Variants in GAPDHS observed in about 807,000 individuals in gnomAD.
GAPDHS encodes glyceraldehyde-3-phosphate dehydrogenase, testis-specific.
A neutral mutation model predicts 48.7 loss-of-function variants in GAPDHS; 42 were observed. The observed-to-expected ratio is 0.86, with a 90% confidence interval of 0.67 to 1.12. The LOEUF is 1.12. Ranked by LOEUF, GAPDHS falls within the 50% of genes most tolerant of loss-of-function variation. The pLI, the probability that GAPDHS is intolerant of heterozygous loss-of-function variation, is 0.00. For synonymous variants in GAPDHS, 166 were observed against 219.1 expected (o/e 0.76, Z 2.14); for missense variants, 512 against 557.7 (o/e 0.92, Z 0.82).
In GAPDHS at chr19:35,538,671, C is replaced by A; in HGVS notation, c.437C>A (p.Ser146Tyr). The change falls in exon 4 of 11, where the codon TCT becomes TAT. Residue 146 changes from serine to tyrosine, a missense_variant. Ser to Tyr is a moderately radical substitution (Grantham distance 144). Transcript: ENST00000222286. ...CTGGTCGTGGACAACCATGAGATCTCTGTCTACCAGTGGTAAGGAAAGCAT... is the reference window on the plus strand; with the variant it reads ...CTGGTCGTGGACAACCATGAGATCTATGTCTACCAGTGGTAAGGAAAGCAT... Reference protein sequence around the residue: ...GQLVVDNHEISVYQCKEPKQI... With the variant: ...GQLVVDNHEIYVYQCKEPKQI... 6.3e-7 allele frequency: 1 copy of A among 1,582,334 alleles called. No individual in the cohort carries two copies. Among genetic ancestry groups the A allele is most frequent in the Non-Finnish European group, 8.7e-7 (1 of 1,150,908 alleles).
In GAPDHS at chr19:35,536,820, A is replaced by C; in HGVS notation, c.75A>C (p.Arg25Ser). ...QLLRQPCPVT[R>S]APPPPEPKAE... is the part of the protein sequence containing the mutation. ...CTCCCTTCCCCCGCATAGTGACCAG[A>C]GCACCGCCCCCACCTGAGCCTAAGG... Residue 25 changes from arginine to serine, a missense_variant, in exon 2 of 11, where the codon AGA becomes AGC. Transcript: ENST00000222286. 6.2e-7 allele frequency: 1 copy of C among 1,608,538 alleles called. No homozygotes were observed. Among genetic ancestry groups the C allele is most frequent in the Non-Finnish European group, 8.5e-7 (1 of 1,175,902 alleles).
intron 1 of GAPDHS, among the ~76,000 whole-genome samples, chr19:35,534,032 C>G (rs1292384479): frequency 6.6e-6 from 1 of 152,230 alleles, no homozygotes; most frequent in Non-Finnish European, 1.5e-5. Flanking sequence ...GGAACCTTGC[C>G]GGGGACGTGC....
At position 35,542,414 on chromosome 19, in the gene GAPDHS, G is replaced by A; in HGVS notation, c.540+5G>A. ...CTCTCCATACAGGCAGCTTCGGTAA[G>A]CTGGGGAGAGGTGCCCAGGGCTAGC... is the stretch of plus-strand genomic sequence containing the variant. On this transcript the variant is annotated splice_donor_5th_base_variant and intron_variant, in intron 5 of 10. Transcript: ENST00000222286. 1 of 1,610,684 alleles carries A rather than the reference G, an allele frequency of 6.2e-7. No individual in the cohort carries two copies. The highest frequency in any genetic ancestry group is 8.5e-7 in the Non-Finnish European group (1 of 1,177,026).
intron 1 of GAPDHS, among the ~76,000 whole-genome samples, chr19:35,535,123 C>A (rs2071456980): frequency 6.6e-6 from 1 of 152,202 alleles, no homozygotes; most frequent in Admixed American, 6.5e-5. Flanking sequence ...TCTGTGTGGA[C>A]TGAGCCAGGC....
At chr19:35,536,666 T>C (rs554290874) in intron 1 of GAPDHS, 147 bp from the exon 2 acceptor site, 243 of 615,262 alleles carry the variant, frequency 3.9e-4, no homozygotes, top group African/African-American at 3.9e-3. Flanking sequence ...AAGTTCATTC[T>C]GTAGAGAAAG....
Position 35,543,043 on chromosome 19 carries a change from G to A in GAPDHS, c.741+17G>A, listed in dbSNP as rs200714495. On this transcript the variant is annotated intron_variant, in intron 7 of 10. Transcript: ENST00000222286. ...GGGTTGATGGTGAGTTGAGGATGAG[G>A]GGCTGGGGCAGGAAGGATGGCAGGG... The A allele has an allele frequency of 6.6e-4, 1,046 of 1,587,136 alleles. 2 individuals are homozygous for A. The highest frequency in any genetic ancestry group is 8.5e-4 in the Non-Finnish European group (984 of 1,155,494).
intron 4 of GAPDHS, 148 bp from the exon 5 acceptor site, chr19:35,542,171 T>C (rs1489680569): frequency 3.2e-6 from 2 of 631,310 alleles, no homozygotes; most frequent in African/African-American, 1.8e-5. Context: ...GTGGAGCCCA[T>C]CTGGAACAAG....
chr19:35,537,038 CCCT>C, intron 2 of GAPDHS, 48 bp downstream of exon 2: 1 of 1,457,726 alleles, frequency 6.9e-7, no homozygotes, highest in Non-Finnish European at 9.4e-7. Flanking sequence ...AGAGCCCAGC[CCCT>C]CCTCTGGCTG....
intron 9 of GAPDHS, 78 bp from the exon 10 acceptor site, chr19:35,544,831 G>T: frequency 1.2e-6 from 1 of 825,612 alleles, no homozygotes; most frequent in South Asian, 1.3e-5. Flanking sequence ...ATGGGCGATA[G>T]AGTTAAGAGT....
chr19:35,538,742 G>A (rs904052779), intron 4 of GAPDHS, 59 bp downstream of exon 4: 3 of 1,125,674 alleles, frequency 2.7e-6, no homozygotes, highest in Non-Finnish European at 4.1e-6. Context: ...GCATGTGGAG[G>A]TGGCTAAAAT....
intron 8 of GAPDHS, 39 bp downstream of exon 8, chr19:35,543,530 C>T (rs375704556): frequency 3.9e-5 from 62 of 1,582,726 alleles, no homozygotes; most frequent in African/African-American, 1.8e-4. Flanking sequence ...TGGGGGCATA[C>T]GCCAGGAGGA....
intron 4 of GAPDHS, 187 bp from the exon 5 acceptor site, chr19:35,542,132 G>A (rs2071507429): frequency 3.3e-6 from 2 of 602,758 alleles, no homozygotes; most frequent in Non-Finnish European, 6.0e-6. Context: ...GTCTGAAGTG[G>A]GGCAGTGGTG....
chr19:35,535,451 T>C (rs900443153), intron 1 of GAPDHS, among the ~76,000 whole-genome samples: 1 of 152,080 alleles, frequency 6.6e-6, no homozygotes, highest in Non-Finnish European at 1.5e-5. Flanking sequence ...AGTGGCACGA[T>C]CTCGCCCACC....
chr19:35,536,961 G>A lies in GAPDHS; in HGVS notation c.216G>A (p.Val72=). 1 of 1,614,028 alleles carries A rather than the reference G, an allele frequency of 6.2e-7. No individual in the cohort carries two copies. The highest frequency in any genetic ancestry group is 8.5e-7 in the Non-Finnish European group (1 of 1,179,950). The change falls in exon 2 of 11, where the codon GTG becomes GTA. Residue 72 remains valine, a synonymous_variant. Coordinates refer to ENST00000222286, the MANE Select transcript of GAPDHS (RefSeq NM_014364.5). ...PATPPPKMVS[V]ARELTVGING... ...CTCCTCCTCCTAAGATGGTGTCTGTGGCCCGGGAGCTGACTGTGGGCATCA... is the reference window on the plus strand; with the variant it reads ...CTCCTCCTCCTAAGATGGTGTCTGTAGCCCGGGAGCTGACTGTGGGCATCA...
chr19:35,534,183 CCG>C (rs10532876), intron 1 of GAPDHS, among the ~76,000 whole-genome samples: 20,800 of 151,714 alleles, frequency 0.14, 1,997 homozygotes, highest in East Asian at 0.37. Context: ...GGCGGCGCGC[CCG>C]CGCGCGCGCA....
intron 9 of GAPDHS, 163 bp from the exon 10 acceptor site, chr19:35,544,746 T>G: frequency 1.6e-6 from 1 of 639,566 alleles, no homozygotes; most frequent in East Asian, 2.7e-5. Flanking sequence ...GGTCATACCC[T>G]GCACTTGGTC....
At chr19:35,542,452 G>A in intron 5 of GAPDHS, 38 bp from the exon 6 acceptor site, 1 of 1,588,516 alleles carries the variant, frequency 6.3e-7, no homozygotes, top group South Asian at 1.1e-5. Flanking sequence ...GGGGGATGAT[G>A]GTGCCAGAAG....
At chr19:35,540,684 C>T (rs1365837518) in intron 4 of GAPDHS, 1 of 152,248 alleles carries the variant, frequency 6.6e-6, no homozygotes, top group Non-Finnish European at 1.5e-5. Flanking sequence ...CCCCTCCCCT[C>T]TGCCCTGACA....
rs189241078 is a variant in GAPDHS, at chr19:35,538,924, T to A, written c.449+241T>A. Reference sequence around the variant, plus strand: ...ACTGAAGAATGCTTTTTCTTTATATTTTTTTTAGGGACGGGGTATCACTCT... The same window carrying A: ...ACTGAAGAATGCTTTTTCTTTATATATTTTTTAGGGACGGGGTATCACTCT... On this transcript the variant is annotated intron_variant, in intron 4 of 10. Coordinates refer to ENST00000222286, the MANE Select transcript of GAPDHS (RefSeq NM_014364.5). 5.8e-4 allele frequency among the ~76,000 whole-genome samples: 89 copies of A among 152,246 alleles called. No homozygotes were observed. The Middle Eastern group carries it at 0.017, about 29-fold the overall frequency.
Sources: allele counts gnomAD v4.1 joint callset (sites outside exome capture counted in the v4.1 genomes callset), GRCh38; gene constraint gnomAD v4.1.1; transcripts MANE v1.5; gene names NCBI Gene and HGNC (gene_info 2026-07-23, HGNC 2026-07-21).